Variants in RIMS1 observed in about 807,000 individuals in gnomAD.
RIMS1 encodes regulating synaptic membrane exocytosis 1.
A neutral mutation model predicts 214.1 loss-of-function variants in RIMS1; 83 were observed. The ratio of observed to expected loss-of-function variants is 0.39; its 90% confidence interval spans 0.32 to 0.47. The LOEUF (loss-of-function observed/expected upper bound fraction) is 0.47, where lower values mean the gene tolerates loss of function less well. RIMS1 is among the 20% of genes least tolerant of loss of function. The probability of loss-of-function intolerance (pLI) is 0.99; values close to 1 mark genes in which losing one functional copy is unlikely to be tolerated. For missense variants in RIMS1, 2,050 were observed against 2,161.8 expected, an observed-to-expected ratio of 0.95 and a Z score of 1.03; for synonymous variants, 793 against 786.8, an observed-to-expected ratio of 1.01 and a Z score of -0.13.
At chr6:71,891,421 T>G (rs1769841935) in intron 1 of RIMS1, among the ~76,000 whole-genome samples, 1 of 152,250 alleles carries the variant, frequency 6.6e-6, no homozygotes, top group Non-Finnish European at 1.5e-5. Context: ...CCATAATTAC[T>G]ACTTTTTTCC....
chr6:72,004,958 T>C (rs1806866288), intron 2 of RIMS1, among the ~76,000 whole-genome samples: 1 of 152,098 alleles, frequency 6.6e-6, no homozygotes, highest in African/African-American at 2.4e-5. Flanking sequence ...GCCTATGTCC[T>C]GAATGGTAAT....
At chr6:72,061,672 A>G (rs1392102442) in intron 2 of RIMS1, among the ~76,000 whole-genome samples, 1 of 152,240 alleles carries the variant, frequency 6.6e-6, no homozygotes, top group Non-Finnish European at 1.5e-5. Flanking sequence ...GTTTTCTGCT[A>G]AGCCTGTTTC....
intron 29 of RIMS1, among the ~76,000 whole-genome samples, chr6:72,338,813 A>G (rs969760339): frequency 3.3e-5 from 5 of 150,736 alleles, no homozygotes; most frequent in Admixed American, 2.7e-4. Context: ...AACCCAGGCT[A>G]CCTGGTGCCA....
intron 2 of RIMS1, among the ~76,000 whole-genome samples, chr6:72,086,531 T>C (rs1834702087): frequency 6.6e-6 from 1 of 152,156 alleles, no homozygotes; most frequent in Non-Finnish European, 1.5e-5. Context: ...CAACTTGTAT[T>C]TATAATATCA....
intron 6 of RIMS1, among the ~76,000 whole-genome samples, chr6:72,213,477 C>A (rs190890020): frequency 2.2e-4 from 34 of 151,948 alleles, no homozygotes; most frequent in African/African-American, 8.0e-4. Flanking sequence ...TGATTGATTC[C>A]TGTGTAATAG....
intron 4 of RIMS1, among the ~76,000 whole-genome samples, chr6:72,132,248 A>G (rs970074303): frequency 1.2e-4 from 19 of 152,190 alleles, no homozygotes; most frequent in Non-Finnish European, 2.6e-4. Flanking sequence ...AATCTTCACA[A>G]TTTAAGTTTA....
intron 4 of RIMS1, among the ~76,000 whole-genome samples, chr6:72,137,642 A>G (rs2041486859): frequency 6.6e-6 from 1 of 150,920 alleles, no homozygotes; most frequent in Non-Finnish European, 1.5e-5. Context: ...TTCCAATCTG[A>G]TATTGTGTGT....
intron 3 of RIMS1, among the ~76,000 whole-genome samples, chr6:72,097,913 T>G (rs2032313614): frequency 6.6e-6 from 1 of 152,176 alleles, no homozygotes; most frequent in South Asian, 2.1e-4. Flanking sequence ...AGAATACATT[T>G]TAATGTTATA....
intron 19 of RIMS1, chr6:72,262,431 G>T: frequency 1.0e-6 from 1 of 984,880 alleles, no homozygotes; most frequent in Non-Finnish European, 1.2e-6. Context: ...CCTGTGGACA[G>T]GTACTACGAC....
intron 29 of RIMS1, among the ~76,000 whole-genome samples, chr6:72,386,269 C>G (rs1436153462): frequency 1.3e-5 from 2 of 152,090 alleles, no homozygotes; most frequent in African/African-American, 2.4e-5. Context: ...CATTTGTCAC[C>G]AAATATGTAA....
intron 2 of RIMS1, among the ~76,000 whole-genome samples, chr6:72,017,679 A>G (rs1038939607): frequency 6.6e-6 from 1 of 152,228 alleles, no homozygotes. Context: ...AAGAGTCATG[A>G]TAAATAGATG....
At chr6:72,399,689 T>C (rs2098819358) in intron 33 of RIMS1, among the ~76,000 whole-genome samples, 1 of 152,104 alleles carries the variant, frequency 6.6e-6, no homozygotes, top group Non-Finnish European at 1.5e-5. Flanking sequence ...ATGTCTGAGA[T>C]TCAAGAGGTA....
chr6:72,086,440 G>A (rs1212032190), intron 2 of RIMS1, among the ~76,000 whole-genome samples: 1 of 152,118 alleles, frequency 6.6e-6, no homozygotes, highest in East Asian at 1.9e-4. Context: ...CTGTAAAAGC[G>A]ATTTCATCTG....
chr6:72,129,942 T>C (rs1025535715), intron 4 of RIMS1, among the ~76,000 whole-genome samples: 5 of 152,158 alleles, frequency 3.3e-5, no homozygotes, highest in African/African-American at 9.7e-5. Context: ...GATGTATGAC[T>C]TTTCTATGAC....
chr6:72,028,199 G>T (rs933385182), intron 2 of RIMS1, among the ~76,000 whole-genome samples: 10 of 152,012 alleles, frequency 6.6e-5, no homozygotes, highest in African/African-American at 2.4e-4. Flanking sequence ...TTAGTAAAAA[G>T]AATCATGTAG....
intron 4 of RIMS1, 101 bp from the exon 5 acceptor site, chr6:72,179,474 A>C: frequency 9.7e-7 from 1 of 1,032,700 alleles, no homozygotes; most frequent in Non-Finnish European, 1.5e-6. Flanking sequence ...ATAAATATGA[A>C]AATGAATACT....
chr6:72,356,469 T>G (rs1284023266), intron 29 of RIMS1, among the ~76,000 whole-genome samples: 1 of 152,098 alleles, frequency 6.6e-6, no homozygotes, highest in African/African-American at 2.4e-5. Context: ...TAAAAAATAA[T>G]GAGATGTGTC....
Position 71,887,048 on chromosome 6 carries a change from G to A in RIMS1, c.25G>A (p.Gly9Ser), listed in dbSNP as rs377508461. Reference protein sequence around the residue: MSSAVGPRGPRPPTVPPPM... With the variant: MSSAVGPRSPRPPTVPPPM... ...AATGTCCTCGGCCGTGGGGCCCCGC[G>A]GTCCTCGCCCACCCACGGTGCCTCC... Residue 9 changes from glycine (G) to serine (S), a missense_variant, in exon 1 of 34, where the codon GGT becomes AGT. By Grantham distance (56) the Gly-to-Ser change is moderately conservative (BLOSUM62 0). Around this residue, in one of 6 missense-constraint regions of RIMS1, gnomAD observed 882 missense variants for 828.9 expected, o/e 1.06. Transcript: ENST00000521978. The A allele has an allele frequency of 1.9e-6, 3 of 1,613,418 alleles. No individual in the cohort carries two copies. Among genetic ancestry groups the A allele is most frequent in the African/African-American group, 1.3e-5 (1 of 75,050 alleles).
rs16882229 is a variant in RIMS1, at chr6:72,262,575, A to T, written c.3116+1808A>T. 3,458 of 978,108 alleles carry T rather than the reference A, an allele frequency of 3.5e-3. 12 individuals carry two copies. Among genetic ancestry groups the T allele is most frequent in the Non-Finnish European group, 3.8e-3 (3,135 of 823,396 alleles). 60.6% of individuals were successfully genotyped at this position (978,108 alleles called of 1,614,324 possible). ...CTAAAAGTATGGAGATAGAGACAAC[A>T]TGAGTTCAAAAATACGTGCATGTAT... On this transcript the variant is annotated intron_variant, in intron 19 of 33. Coordinates refer to ENST00000521978, the MANE Select transcript of RIMS1 (RefSeq NM_014989.7).
Sources: gnomAD v4.1 joint callset for allele counts (sites outside exome capture counted in the v4.1 genomes callset) on GRCh38, gnomAD v4.1.1 for gene constraint, gnomAD v4.1.1 regional missense constraint, MANE v1.5 for transcripts, NCBI Gene and HGNC (gene_info 2026-07-23, HGNC 2026-07-21) for gene names.